The following KCNQ5 variants were observed in gnomAD, a reference collection of about 807,000 sequenced individuals.
The protein encoded by KCNQ5 is potassium voltage-gated channel subfamily Q member 5.
Under a neutral mutation model 98.2 loss-of-function variants are expected in KCNQ5, and 30 were observed. The observed-to-expected ratio is 0.31, with a 90% CI of 0.23 to 0.41. KCNQ5 has a LOEUF of 0.41. Ranked by LOEUF, KCNQ5 falls within the 10% of genes least tolerant of loss-of-function variation. The probability of loss-of-function intolerance (pLI) is 1.00; values close to 1 mark genes in which losing one functional copy is unlikely to be tolerated. For missense variants in KCNQ5, 835 were observed against 1,182.5 expected, an observed-to-expected ratio of 0.71 and a Z score of 4.31; for synonymous variants, 458 against 449.4, an observed-to-expected ratio of 1.02 and a Z score of -0.24.
At chr6:72,746,058 T>A (rs1771381440) in intron 1 of KCNQ5, among the ~76,000 whole-genome samples, 1 of 115,754 alleles carries the variant, frequency 8.6e-6, no homozygotes, top group African/African-American at 3.8e-5. Flanking sequence ...GCAAAGACTC[T>A]ATTTGCAAAA....
intron 8 of KCNQ5, among the ~76,000 whole-genome samples, chr6:73,123,625 T>C (rs755295992): frequency 8.5e-5 from 13 of 152,168 alleles, no homozygotes; most frequent in Non-Finnish European, 1.8e-4. Flanking sequence ...AACAGAAGGA[T>C]GTATAGAAGC....
intron 1 of KCNQ5, among the ~76,000 whole-genome samples, chr6:72,650,706 G>A (rs62411984): frequency 0.13 from 19,622 of 152,094 alleles, 1,458 homozygotes; most frequent in Non-Finnish European, 0.18. Flanking sequence ...ATAGGGTCTT[G>A]TTTACTTGTA....
intron 1 of KCNQ5, among the ~76,000 whole-genome samples, chr6:72,743,912 A>T (rs745670371): frequency 2.5e-4 from 38 of 152,204 alleles, no homozygotes; most frequent in South Asian, 2.1e-4. Flanking sequence ...CCCAACTCTC[A>T]GTGAATATAA....
At chr6:73,130,702 T>C (rs909200957) in intron 9 of KCNQ5, among the ~76,000 whole-genome samples, 1 of 152,194 alleles carries the variant, frequency 6.6e-6, no homozygotes, top group African/African-American at 2.4e-5. Context: ...ATCAGCTTAA[T>C]AGTCATCTAA....
At chr6:72,669,835 C>T (rs577090944) in intron 1 of KCNQ5, among the ~76,000 whole-genome samples, 1 of 151,678 alleles carries the variant, frequency 6.6e-6, no homozygotes, top group Non-Finnish European at 1.5e-5. Flanking sequence ...CACCTATGCT[C>T]TCTATCAAGC....
chr6:73,011,203 G>A (rs1428987726), intron 2 of KCNQ5, among the ~76,000 whole-genome samples: 1 of 152,024 alleles, frequency 6.6e-6, no homozygotes, highest in Non-Finnish European at 1.5e-5. Flanking sequence ...CAATCATGAT[G>A]TAGTTTCCTG....
intron 2 of KCNQ5, among the ~76,000 whole-genome samples, chr6:73,029,019 C>T (rs1264391280): frequency 2.6e-5 from 4 of 152,096 alleles, no homozygotes; most frequent in Non-Finnish European, 2.9e-5. Flanking sequence ...GGATAGAGGC[C>T]GTCACCCATC....
intron 1 of KCNQ5, among the ~76,000 whole-genome samples, chr6:72,629,061 C>T (rs1269289053): frequency 6.6e-6 from 1 of 152,184 alleles, no homozygotes; most frequent in Non-Finnish European, 1.5e-5. Flanking sequence ...ACCCAGAACA[C>T]TGCCTGTCAC....
At chr6:72,986,798 CT>C in intron 1 of KCNQ5, 1 of 1,398,822 alleles carries the variant, frequency 7.1e-7, no homozygotes, top group Non-Finnish European at 1.0e-6. Context: ...TGGCAAGAAG[CT>C]CAAATAACAC....
At chr6:72,807,321 C>T (rs1017072327) in intron 1 of KCNQ5, among the ~76,000 whole-genome samples, 3 of 152,006 alleles carry the variant, frequency 2.0e-5, no homozygotes, top group Middle Eastern at 3.4e-3. Context: ...ATGAAAATAA[C>T]AATATAATAG....
Position 73,077,309 on chromosome 6 carries a change from C to A in KCNQ5, c.617-13C>A. On this transcript the variant is annotated splice_polypyrimidine_tract_variant and intron_variant, in intron 3 of 13. Transcript: ENST00000370398. The stretch of plus-strand genomic sequence containing the variant: ...TCGTGCTAACTGTGGCTATTTCGAC[C>A]TGTTTCTTTCAGATACCATTGTTCT... The A allele has an allele frequency of 6.2e-7, 1 of 1,610,640 alleles. No homozygotes were observed.
At chr6:73,172,979 C>T (rs1303197764) in intron 11 of KCNQ5, among the ~76,000 whole-genome samples, 2 of 152,124 alleles carry the variant, frequency 1.3e-5, no homozygotes, top group East Asian at 1.9e-4. Context: ...TAAACATCTG[C>T]CATTTTCTAG....
At chr6:73,169,289 G>A (rs529354721) in intron 10 of KCNQ5, among the ~76,000 whole-genome samples, 221 of 152,250 alleles carry the variant, frequency 1.5e-3, no homozygotes, top group African/African-American at 5.1e-3. Context: ...TCTTGGCTCC[G>A]GCTACTTAGC....
intron 1 of KCNQ5, among the ~76,000 whole-genome samples, chr6:72,755,252 A>G (rs1771904849): frequency 6.6e-6 from 1 of 152,042 alleles, no homozygotes; most frequent in African/African-American, 2.4e-5. Context: ...TATAACACAT[A>G]TAAAGTGCAT....
intron 1 of KCNQ5, among the ~76,000 whole-genome samples, chr6:72,704,266 A>C (rs541551574): frequency 2.6e-4 from 40 of 152,300 alleles, no homozygotes; most frequent in African/African-American, 9.6e-4. Context: ...CAGTAAAATC[A>C]TGTTAAATTC....
chr6:72,678,577 T>TA (rs1767535762), intron 1 of KCNQ5: 2 of 152,318 alleles, frequency 1.3e-5, no homozygotes, highest in South Asian at 4.1e-4. Flanking sequence ...GTATTTTTTA[T>TA]AAAAATTACA....
At chr6:72,675,549 C>T (rs1181447200) in intron 1 of KCNQ5, among the ~76,000 whole-genome samples, 3 of 152,034 alleles carry the variant, frequency 2.0e-5, no homozygotes, top group African/African-American at 7.3e-5. Flanking sequence ...TGCATCTTAC[C>T]AGACAAACAA....
chr6:72,752,677 T>C (rs17741167), intron 1 of KCNQ5, among the ~76,000 whole-genome samples: 3,215 of 152,218 alleles, frequency 0.021, 113 homozygotes, highest in African/African-American at 0.069. Context: ...AATTCCAAAG[T>C]GTGTACAGTT....
At chr6:73,101,257 G>A (rs781518974) in intron 5 of KCNQ5, among the ~76,000 whole-genome samples, 20 of 152,186 alleles carry the variant, frequency 1.3e-4, no homozygotes, top group African/African-American at 3.4e-4. Context: ...CTAGCAAACC[G>A]AATTCAACAA....
Sources: allele counts gnomAD v4.1 joint callset (sites outside exome capture counted in the v4.1 genomes callset), GRCh38; gene constraint gnomAD v4.1.1; transcripts MANE v1.5; gene names NCBI Gene and HGNC (gene_info 2026-07-23, HGNC 2026-07-21).